The following ROBO2 variants were observed in gnomAD, a reference collection of about 807,000 sequenced individuals.
ROBO2 encodes the protein roundabout homolog 2.
ROBO2 carries 53 observed loss-of-function variants against 160.8 expected under a neutral mutation model. The observed-to-expected ratio is 0.33, with a 90% CI of 0.26 to 0.41. The LOEUF is 0.41. Ranked by LOEUF, ROBO2 falls within the 10% of genes least tolerant of loss-of-function variation. The probability of loss-of-function intolerance (pLI) is 1.00; values close to 1 mark genes in which losing one functional copy is unlikely to be tolerated. For synonymous variants in ROBO2, 664 were observed against 611.7 expected (o/e 1.09, Z -1.26); for missense variants, 1,577 against 1,722.4 (o/e 0.92, Z 1.49).
chr3:77,103,955 A>G (rs1560016889), intron 2 of ROBO2, among the ~76,000 whole-genome samples: 1 of 152,192 alleles, frequency 6.6e-6, no homozygotes, highest in Non-Finnish European at 1.5e-5. Context: ...CTGTAAATGC[A>G]TCTTATCTAG....
At chr3:76,995,933 T>C (rs200448454) in intron 2 of ROBO2, among the ~76,000 whole-genome samples, 44,483 of 151,962 alleles carry the variant, frequency 0.29, 7,069 homozygotes, top group East Asian at 0.65. Context: ...TTTCTTTTGC[T>C]GTGCAGAAGC....
chr3:77,428,851 T>G (rs1217511511), intron 2 of ROBO2, among the ~76,000 whole-genome samples: 1 of 152,216 alleles, frequency 6.6e-6, no homozygotes, highest in Non-Finnish European at 1.5e-5. Flanking sequence ...AATCAAAAAG[T>G]TTCAGTGTTA....
intron 2 of ROBO2, among the ~76,000 whole-genome samples, chr3:77,030,507 A>G (rs1450037642): frequency 3.3e-5 from 5 of 152,216 alleles, no homozygotes; most frequent in Admixed American, 3.3e-4. Context: ...TTCATTTCCT[A>G]GGATTGTCAT....
intron 2 of ROBO2, among the ~76,000 whole-genome samples, chr3:76,189,263 T>A (rs1165165442): frequency 1.3e-5 from 2 of 152,066 alleles, no homozygotes; most frequent in Non-Finnish European, 2.9e-5. Context: ...CAAGCAGAGA[T>A]TCTAGATTTG....
chr3:76,422,172 A>G (rs774847864), intron 2 of ROBO2, among the ~76,000 whole-genome samples: 6 of 152,212 alleles, frequency 3.9e-5, no homozygotes, highest in Non-Finnish European at 5.9e-5. Context: ...ATAATGGGAT[A>G]GAAATGAAAG....
chr3:77,247,904 G>GC (rs1481967810), intron 2 of ROBO2, among the ~76,000 whole-genome samples: 2 of 152,132 alleles, frequency 1.3e-5, no homozygotes, highest in Non-Finnish European at 2.9e-5. Context: ...TCTGGCGAGG[G>GC]CCCCACCCTC....
At chr3:76,016,526 C>T (rs2066409974) in intron 2 of ROBO2, among the ~76,000 whole-genome samples, 1 of 151,338 alleles carries the variant, frequency 6.6e-6, no homozygotes, top group African/African-American at 2.4e-5. Flanking sequence ...GGTAAAGATA[C>T]TTTAAATAAG....
chr3:77,144,439 G>A (rs75804244), intron 2 of ROBO2, among the ~76,000 whole-genome samples: 9,910 of 152,134 alleles, frequency 0.065, 734 homozygotes, highest in East Asian at 0.21. Context: ...AATCTGTTCC[G>A]TGCCTGATTT....
At chr3:77,317,408 A>G (rs2064119217) in intron 2 of ROBO2, 8 of 1,287,484 alleles carry the variant, frequency 6.2e-6, no homozygotes, top group Non-Finnish European at 7.8e-6. Flanking sequence ...ACCTCGAGCC[A>G]TAGTCAGTCC....
At chr3:77,435,899 A>C (rs980658250) in intron 2 of ROBO2, among the ~76,000 whole-genome samples, 3 of 151,206 alleles carry the variant, frequency 2.0e-5, no homozygotes, top group African/African-American at 7.3e-5. Flanking sequence ...CATAATGTAA[A>C]TGTTTTATGA....
chr3:76,053,200 T>C (rs1444716209), intron 2 of ROBO2, among the ~76,000 whole-genome samples: 1 of 152,020 alleles, frequency 6.6e-6, no homozygotes, highest in Non-Finnish European at 1.5e-5. Context: ...AGTACATGAT[T>C]CATTTAGTTT....
chr3:76,170,905 A>T (rs932500482), intron 2 of ROBO2, among the ~76,000 whole-genome samples: 2 of 152,150 alleles, frequency 1.3e-5, no homozygotes, highest in Non-Finnish European at 2.9e-5. Flanking sequence ...TAAATGTTCT[A>T]CACTAATACA....
At chr3:76,271,780 A>G (rs1388052817) in intron 2 of ROBO2, among the ~76,000 whole-genome samples, 1 of 151,780 alleles carries the variant, frequency 6.6e-6, no homozygotes. Flanking sequence ...ACATAAACAC[A>G]CATAGCCTTT....
chr3:77,127,711 T>C (rs1560068404), intron 2 of ROBO2, among the ~76,000 whole-genome samples: 1 of 152,156 alleles, frequency 6.6e-6, no homozygotes, highest in South Asian at 2.1e-4. Flanking sequence ...ATCAGGAAAA[T>C]TAAGGCCTCA....
chr3:76,109,617 G>A (rs2070125387), intron 2 of ROBO2, among the ~76,000 whole-genome samples: 1 of 151,868 alleles, frequency 6.6e-6, no homozygotes, highest in African/African-American at 2.4e-5. Flanking sequence ...TCTTTACTCT[G>A]GTGCTGTTCC....
At chr3:76,372,037 G>A (rs1340447138) in intron 2 of ROBO2, among the ~76,000 whole-genome samples, 4 of 151,658 alleles carry the variant, frequency 2.6e-5, no homozygotes, top group East Asian at 1.9e-4. Flanking sequence ...TAAGTAACTG[G>A]CATCAATTTC....
intron 2 of ROBO2, among the ~76,000 whole-genome samples, chr3:76,978,755 C>A (rs1324424386): frequency 6.6e-6 from 1 of 151,908 alleles, no homozygotes; most frequent in Admixed American, 6.6e-5. Context: ...TGGGTTCACC[C>A]TGCTGCAGTT....
At chr3:76,415,653 A>C (rs1009263792) in intron 2 of ROBO2, among the ~76,000 whole-genome samples, 2 of 152,164 alleles carry the variant, frequency 1.3e-5, no homozygotes, top group African/African-American at 4.8e-5. Context: ...TGGCAGGACA[A>C]TATTGCTAAT....
At chr3:76,748,694 C>A (rs926493122) in intron 2 of ROBO2, among the ~76,000 whole-genome samples, 1 of 151,678 alleles carries the variant, frequency 6.6e-6, no homozygotes, top group Non-Finnish European at 1.5e-5. Context: ...AGGTAAATCA[C>A]CCAGCGTTAA....
Sources: allele counts gnomAD v4.1 joint callset (sites outside exome capture counted in the v4.1 genomes callset), GRCh38; gene constraint gnomAD v4.1.1; transcripts MANE v1.5; gene names NCBI Gene and HGNC (gene_info 2026-07-23, HGNC 2026-07-21).